The following PKIB variants were observed in gnomAD, a reference collection of about 807,000 sequenced individuals.
The protein encoded by PKIB is PKI-beta.
Under a neutral mutation model 4.5 loss-of-function variants are expected in PKIB, and 2 were observed. That is an observed-to-expected ratio of 0.44 (90% CI 0.18 to 1.39). The LOEUF is 1.39. Among genes scored for constraint, PKIB ranks in the 40% most tolerant of loss-of-function variants. The probability of loss-of-function intolerance (pLI) is 0.27; values close to 1 mark genes in which losing one functional copy is unlikely to be tolerated. For synonymous variants in PKIB, 38 were observed against 36.0 expected (o/e 1.06, Z -0.20); for missense variants, 94 against 92.6 (o/e 1.02, Z -0.06).
intron 2 of PKIB, among the ~76,000 whole-genome samples, chr6:122,536,714 A>G (rs1451416051): frequency 1.3e-5 from 2 of 152,110 alleles, no homozygotes; most frequent in South Asian, 2.1e-4. Context: ...AAACTTAAAA[A>G]CTATGTACCA....
At chr6:122,617,655 T>C (rs1775051455) in intron 1 of PKIB, among the ~76,000 whole-genome samples, 1 of 152,200 alleles carries the variant, frequency 6.6e-6, no homozygotes, top group Admixed American at 6.5e-5. Context: ...TTATTGGTCT[T>C]AATTGTCAGT....
intron 4 of PKIB, among the ~76,000 whole-genome samples, 191 bp from the exon 5 acceptor site, chr6:122,724,937 A>T (rs535032081): frequency 1.3e-5 from 2 of 152,286 alleles, no homozygotes; most frequent in African/African-American, 4.8e-5. Context: ...ACTCTGTAGA[A>T]TAGGAGAAAG....
intron 3 of PKIB, among the ~76,000 whole-genome samples, chr6:122,679,920 A>G (rs1582805385): frequency 6.6e-6 from 1 of 152,234 alleles, no homozygotes; most frequent in Non-Finnish European, 1.5e-5. Context: ...TCCCTTAGAT[A>G]ATAGGTAGAG....
chr6:122,492,731 C>T (rs1775971917), intron 2 of PKIB, among the ~76,000 whole-genome samples: 1 of 150,774 alleles, frequency 6.6e-6, no homozygotes. Context: ...TGAGTTTGCC[C>T]CAGTATAGCT....
intron 3 of PKIB, among the ~76,000 whole-genome samples, chr6:122,683,609 A>G (rs1057334462): frequency 5.3e-5 from 8 of 152,200 alleles, no homozygotes; most frequent in African/African-American, 1.9e-4. Context: ...TTTATCATTC[A>G]GAATATTATT....
intron 2 of PKIB, among the ~76,000 whole-genome samples, chr6:122,577,049 A>T (rs901463479): frequency 2.6e-5 from 4 of 152,184 alleles, no homozygotes; most frequent in African/African-American, 9.7e-5. Context: ...TGCGCCATAC[A>T]TGATGACTCT....
chr6:122,666,338 C>T (rs1227269720), intron 2 of PKIB, among the ~76,000 whole-genome samples: 2 of 152,176 alleles, frequency 1.3e-5, no homozygotes, highest in African/African-American at 2.4e-5. Flanking sequence ...TTTGTAAGGG[C>T]TCATTTAGCT....
chr6:122,695,689 A>G (rs561264765), intron 3 of PKIB, among the ~76,000 whole-genome samples: 1 of 152,216 alleles, frequency 6.6e-6, no homozygotes, highest in Non-Finnish European at 1.5e-5. Flanking sequence ...TTCTAAATTT[A>G]TAAGGGCCTA....
chr6:122,533,050 T>A (rs1777303049), intron 2 of PKIB, among the ~76,000 whole-genome samples: 1 of 152,160 alleles, frequency 6.6e-6, no homozygotes, highest in African/African-American at 2.4e-5. Context: ...TTGTAGCAGT[T>A]CTTTATATAT....
At chr6:122,685,827 G>A (rs922919043) in intron 3 of PKIB, among the ~76,000 whole-genome samples, 5 of 151,934 alleles carry the variant, frequency 3.3e-5, no homozygotes, top group Admixed American at 2.6e-4. Context: ...CCCAGCCTCT[G>A]GTAACCATCC....
At chr6:122,707,540 A>T (rs1779111384) in intron 3 of PKIB, among the ~76,000 whole-genome samples, 1 of 152,078 alleles carries the variant, frequency 6.6e-6, no homozygotes, top group Non-Finnish European at 1.5e-5. Context: ...CATTTTATTT[A>T]TCCGATTAAA....
intron 3 of PKIB, among the ~76,000 whole-genome samples, chr6:122,593,400 A>T (rs1218064521): frequency 1.3e-5 from 2 of 152,200 alleles, no homozygotes; most frequent in Non-Finnish European, 1.5e-5. Context: ...GGAGACATTC[A>T]TTAATAAGGA....
chr6:122,676,481 C>G (rs1480783086), intron 3 of PKIB, among the ~76,000 whole-genome samples: 1 of 152,122 alleles, frequency 6.6e-6, no homozygotes, highest in Non-Finnish European at 1.5e-5. Context: ...AAGTCTGGAG[C>G]TGAGTGGGCT....
At chr6:122,617,820 A>G (rs74577036) in intron 1 of PKIB, among the ~76,000 whole-genome samples, 5,086 of 152,172 alleles carry the variant, frequency 0.033, 285 homozygotes, top group African/African-American at 0.12. Context: ...GTACATCAAG[A>G]TGTTTTTTAT....
intron 3 of PKIB, among the ~76,000 whole-genome samples, chr6:122,693,816 A>G (rs1778446780): frequency 6.6e-6 from 1 of 152,214 alleles, no homozygotes; most frequent in Non-Finnish European, 1.5e-5. Flanking sequence ...TTTAGTGAAC[A>G]TCATATTAAA....
intron 2 of PKIB, among the ~76,000 whole-genome samples, chr6:122,565,983 A>G (rs1434560160): frequency 6.6e-6 from 1 of 152,118 alleles, no homozygotes; most frequent in Non-Finnish European, 1.5e-5. Flanking sequence ...ATGAGCTGAC[A>G]AACTGTGGCT....
intron 3 of PKIB, among the ~76,000 whole-genome samples, chr6:122,692,415 C>T (rs551431382): frequency 2.0e-5 from 3 of 152,336 alleles, no homozygotes; most frequent in African/African-American, 7.2e-5. Context: ...AGACAAAGTC[C>T]TTCCCACCTT....
Position 122,694,170 on chromosome 6 carries a change from T to C in PKIB, c.-9+19026T>C, listed in dbSNP as rs117647799. 4.8e-3 allele frequency among the ~76,000 whole-genome samples: 730 copies of C among 152,250 alleles called. 23 individuals carry two copies. The East Asian group carries it at 0.096, about 20-fold the overall frequency. ...CCCCAAGAGTATTACTGGAGAAAGA[T>C]GGAGGAGAATGTTGCCTAACCTTTA... On this transcript the variant is annotated intron_variant, in intron 3 of 4. Transcript: ENST00000368452.
Position 122,550,219 on chromosome 6 carries a change from T to C in PKIB, c.-247-35702T>C, listed in dbSNP as rs376486165. 4.6e-5 allele frequency among the ~76,000 whole-genome samples: 7 copies of C among 152,134 alleles called. No individual in the cohort carries two copies. In the East Asian group the frequency reaches 9.7e-4, roughly 21 times the overall value. ...CGTGAGCCACTGCACCTGGACTCTATTGACTTTCTAATAAAAAGTCTAGCT... is the reference window on the plus strand; with the variant it reads ...CGTGAGCCACTGCACCTGGACTCTACTGACTTTCTAATAAAAAGTCTAGCT... On this transcript the variant is annotated intron_variant, in intron 2 of 6. Coordinates refer to the PKIB transcript ENST00000392491.
Sources: gnomAD v4.1 joint callset for allele counts (sites outside exome capture counted in the v4.1 genomes callset) on GRCh38, gnomAD v4.1.1 for gene constraint, MANE v1.5 for transcripts, NCBI Gene and HGNC (gene_info 2026-07-23, HGNC 2026-07-21) for gene names.